Variants in ACOT11 observed in about 807,000 individuals in gnomAD.
The protein encoded by ACOT11 is acyl-CoA thioesterase 11.
In ACOT11, 69 loss-of-function variants were observed where a neutral mutation model predicts 77.5. The ratio of observed to expected loss-of-function variants is 0.89; its 90% CI spans 0.73 to 1.09. ACOT11 has a LOEUF of 1.09. Among genes scored for constraint, ACOT11 ranks in the 50% least tolerant of loss-of-function variants. ACOT11 has a pLI of 0.00. For missense variants in ACOT11, 766 were observed against 813.7 expected (o/e 0.94, Z 0.71); for synonymous variants, 279 against 313.0 (o/e 0.89, Z 1.15).
At chr1:54,581,403 T>G (rs555715795) in intron 1 of ACOT11, among the ~76,000 whole-genome samples, 51 of 152,286 alleles carry the variant, frequency 3.3e-4, no homozygotes, top group African/African-American at 1.2e-3. Flanking sequence ...GGGCTTATAT[T>G]GGCCCCCGCA....
At chr1:54,615,803 C>T (rs1404346228) in intron 15 of ACOT11, among the ~76,000 whole-genome samples, 1 of 152,220 alleles carries the variant, frequency 6.6e-6, no homozygotes, top group Non-Finnish European at 1.5e-5. Flanking sequence ...TGTCTCCCCT[C>T]TGTGTCCAGG....
At chr1:54,589,041 T>TTTAC (rs1380862279) in intron 3 of ACOT11, among the ~76,000 whole-genome samples, 2 of 152,160 alleles carry the variant, frequency 1.3e-5, no homozygotes, top group East Asian at 3.8e-4. Context: ...TATTTATTTA[T>TTTAC]TGAGATGATC....
intron 1 of ACOT11, among the ~76,000 whole-genome samples, chr1:54,564,170 G>A (rs1653652877): frequency 6.6e-6 from 1 of 152,060 alleles, no homozygotes; most frequent in African/African-American, 2.4e-5. Flanking sequence ...AGCCTGGGAC[G>A]TAGAGGCTGC....
chr1:54,592,552 A>T lies in ACOT11; in HGVS notation c.318A>T (p.Gly106=), dbSNP rs759118061. 4 of 1,612,550 alleles carry T rather than the reference A, an allele frequency of 2.5e-6. No individual in the cohort carries two copies. In the African/African-American group the frequency reaches 5.3e-5, roughly 22 times the overall value. The change falls in exon 4 of 16, where the codon GGA becomes GGT. Residue 106 remains glycine (G), a synonymous_variant. Coordinates refer to ENST00000343744, the MANE Select transcript of ACOT11 (RefSeq NM_147161.4). ...DIYFEHTISV[G]QVVNIKAKVN... ...CCTACTTTCCTCTCCCCAGTGTTGGACAAGTGGTGAATATCAAGGCCAAGG... is the reference window on the plus strand; with the variant it reads ...CCTACTTTCCTCTCCCCAGTGTTGGTCAAGTGGTGAATATCAAGGCCAAGG...
rs768359638 is a variant in ACOT11, at chr1:54,634,709, G to T, written c.1804G>T (p.Gly602Ter). ...CCAGGCCAAAATCAACAGCCGATTT[G>T]GATACCTTCAAGACACCTGAAACCT... Residue 602 changes from glycine to a stop codon, truncating the protein, a stop_gained, in exon 17 of 17, where the codon GGA (glycine) becomes TGA (stop). Coordinates refer to the ACOT11 transcript ENST00000371316. LOFTEE classifies it high-confidence loss of function. 1.4e-5 allele frequency: 10 copies of T among 702,394 alleles called. No individual in the cohort carries two copies. The South Asian group carries it at 1.5e-4, about 10-fold the overall frequency. The allele number at this position is 702,394 out of a possible 1,614,324, so 43.5% of individuals were successfully genotyped here.
At chr1:54,592,723 A>G (rs1338785636) in intron 4 of ACOT11, 117 bp downstream of exon 4, 2 of 1,032,764 alleles carry the variant, frequency 1.9e-6, no homozygotes, top group Non-Finnish European at 2.8e-6. Context: ...TGATTAGAGC[A>G]GCAGAGTTCT....
chr1:54,586,634 A>G (rs1319481584), intron 3 of ACOT11, among the ~76,000 whole-genome samples: 1 of 152,056 alleles, frequency 6.6e-6, no homozygotes. Context: ...GGGTTTCGCC[A>G]TGTTGGCCAG....
chr1:54,602,772 A>T (rs1643979794), intron 10 of ACOT11, 48 bp downstream of exon 10: 2 of 1,476,430 alleles, frequency 1.4e-6, no homozygotes, highest in East Asian at 2.6e-5. Flanking sequence ...GGGGCTGTTC[A>T]CGCTCCGCTG....
chr1:54,554,839 T>C (rs1653205714), intron 1 of ACOT11, among the ~76,000 whole-genome samples: 1 of 152,246 alleles, frequency 6.6e-6, no homozygotes, highest in African/African-American at 2.4e-5. Flanking sequence ...TTTTAATTTT[T>C]TGAGGAACCT....
rs115133261 is a variant in ACOT11, at chr1:54,625,617, T to A, written c.1630-5117T>A. Among the ~76,000 whole-genome samples, 419 of 152,278 alleles carry A rather than the reference T, an allele frequency of 2.8e-3. 2 individuals carry two copies. The highest frequency in any genetic ancestry group is 9.7e-3 in the African/African-American group (405 of 41,548). ...ACAGTTAAAGTCTAGAGGAAATTTC[T>A]GTTTAAGAGTTGGCCATAAAAAAGA... On this transcript the variant is annotated intron_variant, in intron 15 of 16. Transcript: ENST00000371316.
At chr1:54,614,955 C>T (rs59983477), downstream of ACOT11, 1,522 of 895,240 alleles carry the variant, frequency 1.7e-3, 2 homozygotes, top group Non-Finnish European at 2.0e-3. Flanking sequence ...TGTGTGTGTG[C>T]ATGTGCGTGC....
intron 1 of ACOT11, among the ~76,000 whole-genome samples, chr1:54,574,490 G>T (rs894727770): frequency 1.3e-5 from 2 of 152,206 alleles, no homozygotes; most frequent in Non-Finnish European, 2.9e-5. Flanking sequence ...GGCATAAAAG[G>T]AAGGCAGGAC....
intron 8 of ACOT11, among the ~76,000 whole-genome samples, chr1:54,600,664 C>T (rs1643950542): frequency 6.6e-6 from 1 of 152,120 alleles, no homozygotes; most frequent in African/African-American, 2.4e-5. Context: ...GCCTGGGCGA[C>T]AGAATGAGAC....
chr1:54,601,046 G>A (rs1021833212), intron 8 of ACOT11, among the ~76,000 whole-genome samples: 3 of 152,124 alleles, frequency 2.0e-5, no homozygotes, highest in African/African-American at 4.8e-5. Context: ...TCTGATCCAC[G>A]TTGCTGGAAG....
chr1:54,563,089 G>A (rs527525572), intron 1 of ACOT11, among the ~76,000 whole-genome samples: 1,959 of 151,972 alleles, frequency 0.013, 24 homozygotes, highest in African/African-American at 0.039. Flanking sequence ...TGCGGGGCCC[G>A]TCCGCTCCTC....
chr1:54,633,080 T>C (rs559558973), intron 16 of ACOT11, among the ~76,000 whole-genome samples: 1 of 152,312 alleles, frequency 6.6e-6, no homozygotes, highest in South Asian at 2.1e-4. Flanking sequence ...AAGAACCACT[T>C]CAAGCGGAAA....
At chr1:54,549,314 G>A (rs887509119) in intron 1 of ACOT11, among the ~76,000 whole-genome samples, 3 of 152,172 alleles carry the variant, frequency 2.0e-5, no homozygotes, top group Admixed American at 6.6e-5. Context: ...AAGGGATGTT[G>A]GCACTCTGGC....
chr1:54,584,992 T>C lies in ACOT11; in HGVS notation c.241+130T>C. 9.8e-7 allele frequency: 1 copy of C among 1,025,278 alleles called. No homozygotes were observed. The highest frequency in any genetic ancestry group is 1.4e-6 in the Non-Finnish European group (1 of 712,664). 63.5% of individuals were successfully genotyped at this position (1,025,278 alleles called of 1,614,324 possible). A position where few individuals can be genotyped will look rare whatever the true frequency, so the allele number is the denominator to read the frequency against. ...TCATCTTGGCCTTTGCTCATGCTGG[T>C]CCCTTTGTCTGAAATGCCCTTCCTG... On this transcript the variant is annotated intron_variant, in intron 2 of 15. Coordinates refer to ENST00000343744, the MANE Select transcript of ACOT11 (RefSeq NM_147161.4). This position sits in a 1 kb window ranked among gnomAD's most constrained non-coding sequence, Gnocchi z 6.3.
intron 1 of ACOT11, among the ~76,000 whole-genome samples, chr1:54,557,100 T>A (rs172503): frequency 0.31 from 46,543 of 151,016 alleles, 7,637 homozygotes; most frequent in Middle Eastern, 0.44. Flanking sequence ...TTAAAAAAAA[T>A]TTTTATACTT....
Sources: allele counts gnomAD v4.1 joint callset (sites outside exome capture counted in the v4.1 genomes callset), GRCh38; gene constraint gnomAD v4.1.1; non-coding constraint Gnocchi (gnomAD v3.1); transcripts MANE v1.5; gene names NCBI Gene and HGNC (gene_info 2026-07-23, HGNC 2026-07-21).